CNTN5: variants seen among roughly 807,000 people sequenced by gnomAD.
CNTN5 encodes the protein contactin 5, also known as contactin-5.
In CNTN5, 77 loss-of-function variants were observed where a neutral mutation model predicts 129.1. That is an observed-to-expected ratio of 0.60 (90% confidence interval 0.50 to 0.72). The LOEUF (loss-of-function observed/expected upper bound fraction) is 0.72, where lower values mean the gene tolerates loss of function less well. CNTN5 is among the 30% of genes least tolerant of loss of function. The pLI, the probability that CNTN5 is intolerant of heterozygous loss-of-function variation, is 0.00. For synonymous variants in CNTN5, 509 were observed against 465.6 expected, an observed-to-expected ratio of 1.09 and a Z score of -1.20; for missense variants, 1,478 against 1,328.8, an observed-to-expected ratio of 1.11 and a Z score of -1.75.
At chr11:100,309,778 C>T (rs978332367) in intron 21 of CNTN5, 6 of 878,384 alleles carry the variant, frequency 6.8e-6, no homozygotes, top group African/African-American at 3.6e-5. Context: ...TTTCCCTTCT[C>T]TATGGAGGAG....
At chr11:99,304,068 A>G (rs1011080835) in intron 1 of CNTN5, among the ~76,000 whole-genome samples, 2 of 152,142 alleles carry the variant, frequency 1.3e-5, no homozygotes, top group African/African-American at 4.8e-5. Flanking sequence ...CGACACCTAA[A>G]ATGATTTCAA....
At chr11:100,092,209 G>A (rs1319424434) in intron 13 of CNTN5, among the ~76,000 whole-genome samples, 1 of 152,078 alleles carries the variant, frequency 6.6e-6, no homozygotes, top group Non-Finnish European at 1.5e-5. Context: ...TTTCAAGAAA[G>A]CTTGTTTTCT....
Position 99,466,214 on chromosome 11 carries a change from AACTC to A in CNTN5, c.-70-89923_-70-89920del, listed in dbSNP as rs145100972. 1.6e-3 allele frequency among the ~76,000 whole-genome samples: 243 copies of A among 152,110 alleles called. 4 individuals are homozygous for A. Among genetic ancestry groups the A allele is most frequent in the East Asian group, 0.013 (67 of 5,154 alleles). ...CTTTTAAACAACCATATCACATGAG[AACTC>A]ACTCACTTCTACGAGAACAGCAAGG... On this transcript the variant is annotated intron_variant, in intron 2 of 24. Coordinates refer to ENST00000524871, the MANE Select transcript of CNTN5 (RefSeq NM_014361.4).
intron 1 of CNTN5, among the ~76,000 whole-genome samples, chr11:99,311,114 A>G (rs975806613): frequency 6.6e-6 from 1 of 152,008 alleles, no homozygotes; most frequent in Admixed American, 6.6e-5. Flanking sequence ...TTTTTAGTAG[A>G]GACTGGGTTT....
At chr11:100,199,867 T>C (rs553040359) in intron 15 of CNTN5, among the ~76,000 whole-genome samples, 2 of 152,114 alleles carry the variant, frequency 1.3e-5, no homozygotes, top group South Asian at 2.1e-4. Flanking sequence ...CATCACTTTG[T>C]ACTAAGAATG....
chr11:99,271,437 T>C (rs1031180237), intron 1 of CNTN5, among the ~76,000 whole-genome samples: 4 of 151,920 alleles, frequency 2.6e-5, no homozygotes, highest in Non-Finnish European at 4.4e-5. Context: ...AATTTATTCA[T>C]TTTTAGAATA....
chr11:100,067,523 A>G (rs935440102), intron 10 of CNTN5, among the ~76,000 whole-genome samples: 5 of 151,974 alleles, frequency 3.3e-5, no homozygotes, highest in Non-Finnish European at 5.9e-5. Flanking sequence ...AAGCTACAGA[A>G]GTATAGCTCT....
intron 21 of CNTN5, among the ~76,000 whole-genome samples, chr11:100,321,577 A>G (rs1425957430): frequency 6.6e-6 from 1 of 152,120 alleles, no homozygotes; most frequent in Admixed American, 6.5e-5. Flanking sequence ...TAGGACTTCC[A>G]GTACTATATT....
chr11:99,651,060 T>C (rs1480938854), intron 3 of CNTN5, among the ~76,000 whole-genome samples: 1 of 151,968 alleles, frequency 6.6e-6, no homozygotes, highest in African/African-American at 2.4e-5. Context: ...ACTTAGAAGT[T>C]ATTTGTTATT....
intron 6 of CNTN5, among the ~76,000 whole-genome samples, chr11:99,894,319 T>C (rs1949141132): frequency 6.6e-6 from 1 of 151,988 alleles, no homozygotes; most frequent in Non-Finnish European, 1.5e-5. Context: ...CTCTGTTAAA[T>C]GTAAAGGCTT....
intron 2 of CNTN5, among the ~76,000 whole-genome samples, chr11:99,457,216 C>A (rs1944528548): frequency 6.6e-6 from 1 of 151,910 alleles, no homozygotes; most frequent in African/African-American, 2.4e-5. Flanking sequence ...AATCTACAAT[C>A]TATTTACAGT....
intron 7 of CNTN5, among the ~76,000 whole-genome samples, chr11:99,936,468 T>C (rs1950317911): frequency 6.7e-6 from 1 of 150,298 alleles, no homozygotes; most frequent in Non-Finnish European, 1.5e-5. Context: ...AAAAGGACAC[T>C]GCCTGCTACG....
At chr11:99,945,661 A>T (rs762470136) in intron 7 of CNTN5, among the ~76,000 whole-genome samples, 1 of 152,010 alleles carries the variant, frequency 6.6e-6, no homozygotes, top group Non-Finnish European at 1.5e-5. Context: ...AAGAAACAGA[A>T]CTGAAGAGGC....
At chr11:99,041,934 A>G (rs1335837361) in intron 1 of CNTN5, among the ~76,000 whole-genome samples, 2 of 152,140 alleles carry the variant, frequency 1.3e-5, no homozygotes, top group African/African-American at 2.4e-5. Context: ...TCCAATCTCT[A>G]TGACTTTGCA....
intron 19 of CNTN5, 69 bp downstream of exon 19, chr11:100,297,764 T>A: frequency 1.7e-6 from 2 of 1,192,226 alleles, no homozygotes; most frequent in Non-Finnish European, 2.4e-6. Flanking sequence ...ATTTAATTAT[T>A]TTATGATTAA....
intron 2 of CNTN5, among the ~76,000 whole-genome samples, chr11:99,378,022 T>A (rs1433064047): frequency 6.6e-6 from 1 of 152,178 alleles, no homozygotes; most frequent in Non-Finnish European, 1.5e-5. Context: ...GGTTTAAAGA[T>A]AATTTTAGGG....
chr11:99,962,567 T>G (rs1443634191), intron 8 of CNTN5, among the ~76,000 whole-genome samples: 5 of 151,572 alleles, frequency 3.3e-5, no homozygotes, highest in African/African-American at 9.7e-5. Context: ...TTGTTGGACA[T>G]TTGGGTTGGT....
intron 23 of CNTN5, among the ~76,000 whole-genome samples, chr11:100,347,044 C>T (rs1219488492): frequency 6.6e-6 from 1 of 152,068 alleles, no homozygotes; most frequent in Non-Finnish European, 1.5e-5. Context: ...CAGTTACCTC[C>T]CACCAGGTCC....
chr11:100,274,960 T>A (rs551970253), intron 18 of CNTN5, among the ~76,000 whole-genome samples: 2 of 152,344 alleles, frequency 1.3e-5, no homozygotes, highest in South Asian at 4.1e-4. Flanking sequence ...AGTTTACCTA[T>A]GTAACAAACC....
Sources: gnomAD v4.1 joint callset for allele counts (sites outside exome capture counted in the v4.1 genomes callset) on GRCh38, gnomAD v4.1.1 for gene constraint, MANE v1.5 for transcripts, NCBI Gene and HGNC (gene_info 2026-07-23, HGNC 2026-07-21) for gene names.